RYR2: variants seen among roughly 807,000 people sequenced by gnomAD.
RYR2 encodes the protein cardiac muscle ryanodine receptor-calcium release channel.
A neutral mutation model predicts 601.1 loss-of-function variants in RYR2; 227 were observed. The ratio of observed to expected loss-of-function variants is 0.38; its 90% confidence interval spans 0.34 to 0.42. The LOEUF is 0.42. Ranked by LOEUF, RYR2 falls within the 10% of genes least tolerant of loss-of-function variation. The pLI, the probability that RYR2 is intolerant of heterozygous loss-of-function variation, is 1.00. For synonymous variants in RYR2, 2,223 were observed against 2,175.1 expected (o/e 1.02, Z -0.61); for missense variants, 4,646 against 6,156.5 (o/e 0.75, Z 8.21).
At chr1:237,792,052 C>T (rs1658435167) in intron 93 of RYR2, 53 bp from the exon 94 acceptor site, 1 of 1,293,366 alleles carries the variant, frequency 7.7e-7, no homozygotes, top group Non-Finnish European at 1.1e-6. Context: ...CTTTTGCTTG[C>T]AATGGTATCT....
intron 2 of RYR2, among the ~76,000 whole-genome samples, chr1:237,317,670 T>TC (rs978815090): frequency 1.3e-5 from 2 of 151,840 alleles, no homozygotes; most frequent in African/African-American, 2.4e-5. Flanking sequence ...TTTCATTTTT[T>TC]TCTCTCTCTC....
At chr1:237,591,306 T>C (rs1291844016) in intron 31 of RYR2, among the ~76,000 whole-genome samples, 1 of 151,824 alleles carries the variant, frequency 6.6e-6, no homozygotes, top group Non-Finnish European at 1.5e-5. Context: ...TTAGCGTAGG[T>C]GCAATCTATC....
chr1:237,213,891 TTTA>T (rs924634747), intron 1 of RYR2, among the ~76,000 whole-genome samples: 1 of 150,662 alleles, frequency 6.6e-6, no homozygotes, highest in African/African-American at 2.4e-5. Context: ...TCCCAACCCA[TTTA>T]TTATCTTTTT....
intron 16 of RYR2, 135 bp from the exon 17 acceptor site, chr1:237,468,957 T>C (rs557561855): frequency 4.6e-6 from 3 of 649,868 alleles, no homozygotes; most frequent in Non-Finnish European, 8.2e-6. Context: ...TACGTGTATG[T>C]ATGTTTGCAT....
intron 23 of RYR2, 54 bp downstream of exon 23, chr1:237,506,868 CAT>C: frequency 1.4e-6 from 2 of 1,446,886 alleles, no homozygotes; most frequent in East Asian, 2.3e-5. Flanking sequence ...TTTCTGAAAA[CAT>C]AACTTTTTCT....
At chr1:237,541,233 T>A (rs1264285696) in intron 25 of RYR2, among the ~76,000 whole-genome samples, 1 of 152,226 alleles carries the variant, frequency 6.6e-6, no homozygotes, top group Non-Finnish European at 1.5e-5. Context: ...TTTTCTCTGA[T>A]TGGGCCTAAT....
At chr1:237,285,659 A>G (rs1232071278) in intron 2 of RYR2, among the ~76,000 whole-genome samples, 7 of 151,988 alleles carry the variant, frequency 4.6e-5, no homozygotes, top group African/African-American at 1.7e-4. Flanking sequence ...GGTCCTGGAC[A>G]TTTTTGTTGT....
At position 237,259,546 on chromosome 1, in the gene RYR2, A is replaced by AAAAGAG. The variant is rs1553368865; in HGVS notation, c.49-10950_49-10949insAAGAGA. 5.4e-4 allele frequency among the ~76,000 whole-genome samples: 77 copies of AAAAGAG among 143,844 alleles called. 1 individual carries two copies. Among genetic ancestry groups the AAAAGAG allele is most frequent in the South Asian group, 4.0e-3 (18 of 4,484 alleles). 94.4% of individuals were successfully genotyped at this position (143,844 alleles called of 152,430 possible). On this transcript the variant is annotated intron_variant, in intron 1 of 104. Coordinates refer to ENST00000366574, the MANE Select transcript of RYR2 (RefSeq NM_001035.3). ...AGACCATTTAAAAAAAAAAAAAAAA[A>AAAAGAG]AGAGAGACTACCGTCACCTTGTATA...
rs138625560 is a variant in RYR2 at position 237,362,372 on chromosome 1, TAAATC to T, written c.295-1981_295-1977del. 1.2e-3 allele frequency among the ~76,000 whole-genome samples: 177 copies of T among 152,308 alleles called. 1 individual carries two copies. The highest frequency in any genetic ancestry group is 4.1e-3 in the African/African-American group (172 of 41,570). On this transcript the variant is annotated intron_variant, in intron 4 of 104. Transcript: ENST00000366574. ...TCTATTGAACTTCTCATTAGTGAAA[TAAATC>T]AAATAGTTAATTTATTTGCTAAACT...
At chr1:237,393,967 A>G (rs1387909264) in intron 10 of RYR2, among the ~76,000 whole-genome samples, 6 of 152,222 alleles carry the variant, frequency 3.9e-5, no homozygotes, top group African/African-American at 1.4e-4. Context: ...ATCTTGGCAA[A>G]AATGAAAAAC....
Position 237,723,115 on chromosome 1 carries a change from C to T in RYR2, c.10555-13C>T. 6.3e-7 allele frequency: 1 copy of T among 1,596,688 alleles called. No individual in the cohort carries two copies. The highest frequency in any genetic ancestry group is 8.5e-7 in the Non-Finnish European group (1 of 1,173,418). ...CCCATCTTCCCATTGTAACCTTTTC[C>T]TTTTTTCTGCAGTTGGAGGATCCTG... On this transcript the variant is annotated splice_polypyrimidine_tract_variant and intron_variant, in intron 73 of 104. Coordinates refer to ENST00000366574, the MANE Select transcript of RYR2 (RefSeq NM_001035.3).
intron 1 of RYR2, among the ~76,000 whole-genome samples, chr1:237,244,356 G>A (rs1011196139): frequency 9.9e-5 from 15 of 152,108 alleles, no homozygotes; most frequent in Non-Finnish European, 2.1e-4. Flanking sequence ...GGGCATCCTC[G>A]GTAAGATTTT....
chr1:237,571,032 T>C (rs1171551046), intron 29 of RYR2, among the ~76,000 whole-genome samples: 2 of 151,970 alleles, frequency 1.3e-5, no homozygotes, highest in Non-Finnish European at 2.9e-5. Flanking sequence ...GTGGCTGAGG[T>C]GGGAGGATCA....
intron 21 of RYR2, among the ~76,000 whole-genome samples, chr1:237,501,351 G>C (rs1215339419): frequency 6.6e-6 from 1 of 151,990 alleles, no homozygotes; most frequent in African/African-American, 2.4e-5. Flanking sequence ...ATGAGGCCCA[G>C]ATGGCTTTCT....
chr1:237,800,563 A>C (rs558464740), intron 97 of RYR2, among the ~76,000 whole-genome samples: 1 of 152,334 alleles, frequency 6.6e-6, no homozygotes, highest in East Asian at 1.9e-4. Context: ...AGAAATGATT[A>C]AAGAAGTCAA....
intron 6 of RYR2, among the ~76,000 whole-genome samples, chr1:237,370,660 C>CA (rs1700561214): frequency 7.4e-6 from 1 of 135,110 alleles, no homozygotes; most frequent in Non-Finnish European, 1.6e-5. Context: ...AGTTTCATTC[C>CA]ATTTTTTTTT....
In RYR2 at chr1:237,459,311, G is replaced by A. The variant is rs769935268; in HGVS notation, c.1612+2576G>A. Among the ~76,000 whole-genome samples, 205 of 152,150 alleles carry A rather than the reference G, an allele frequency of 1.3e-3. 1 individual carries two copies. Among genetic ancestry groups the A allele is most frequent in the Non-Finnish European group, 2.8e-3 (190 of 68,022 alleles). On this transcript the variant is annotated intron_variant, in intron 16 of 104. Coordinates refer to ENST00000366574, the MANE Select transcript of RYR2 (RefSeq NM_001035.3). ...AAATAATAATAAAAACTGGCTGGAT[G>A]CATTGGCTCATGTGTGTAGTCCCAG...
chr1:237,639,204 AG>A lies in RYR2; in HGVS notation c.7115+5del. ...AATAGCGGATCCAGTAAAACACTGT[AG>A]GTCTAATATACACACCCTCACGAGT... On this transcript the variant is annotated splice_donor_region_variant and intron_variant, in intron 46 of 104. Transcript: ENST00000366574. 1 of 1,610,470 alleles carries A rather than the reference AG, an allele frequency of 6.2e-7. No homozygotes were observed. Among genetic ancestry groups the A allele is most frequent in the Non-Finnish European group, 8.5e-7 (1 of 1,177,602 alleles).
intron 91 of RYR2, among the ~76,000 whole-genome samples, chr1:237,786,423 A>G (rs1657574804): frequency 6.6e-6 from 1 of 152,176 alleles, no homozygotes; most frequent in Non-Finnish European, 1.5e-5. Flanking sequence ...AACATTCCAA[A>G]TGCGCTTTCA....
Sources: gnomAD v4.1 joint callset for allele counts (sites outside exome capture counted in the v4.1 genomes callset) on GRCh38, gnomAD v4.1.1 for gene constraint, MANE v1.5 for transcripts, NCBI Gene and HGNC (gene_info 2026-07-23, HGNC 2026-07-21) for gene names.